Variants in SIPA1L2 observed in about 807,000 individuals in gnomAD.
SIPA1L2 encodes signal induced proliferation associated 1 like 2.
Under a neutral mutation model 163.9 loss-of-function variants are expected in SIPA1L2, and 56 were observed. The observed-to-expected ratio is 0.34, with a 90% confidence interval of 0.28 to 0.43. The LOEUF is 0.43. Among genes scored for constraint, SIPA1L2 ranks in the 20% least tolerant of loss-of-function variants. The pLI is 1.00. For synonymous variants in SIPA1L2, 877 were observed against 865.7 expected (o/e 1.01, Z -0.23); for missense variants, 1,974 against 2,193.5 (o/e 0.90, Z 2.00).
At chr1:232,531,464 G>A (rs539020699) in intron 2 of SIPA1L2, among the ~76,000 whole-genome samples, 1 of 152,118 alleles carries the variant, frequency 6.6e-6, no homozygotes, top group Admixed American at 6.5e-5. Flanking sequence ...TAAACCCTCA[G>A]AATCTGTTTC....
At chr1:232,598,422 A>G (rs1467332918) in intron 1 of SIPA1L2, among the ~76,000 whole-genome samples, 4 of 152,162 alleles carry the variant, frequency 2.6e-5, no homozygotes, top group African/African-American at 4.8e-5. Context: ...AAAGAAAACC[A>G]AAAATGACAG....
Position 232,443,612 on chromosome 1 carries a change from C to A in SIPA1L2, c.3427G>T (p.Gly1143Cys). 2 of 1,603,422 alleles carry A rather than the reference C, an allele frequency of 1.2e-6. No homozygotes were observed. Among genetic ancestry groups the A allele is most frequent in the Non-Finnish European group, 1.7e-6 (2 of 1,175,286 alleles). The change falls in exon 12 of 23, where the codon GGC becomes TGC. Residue 1143 changes from glycine (G) to cysteine (C), a missense_variant. By Grantham distance (159) the Gly-to-Cys change is radical. Coordinates refer to ENST00000674635, the MANE Select transcript of SIPA1L2 (RefSeq NM_020808.5). ...AAAAATGAACAGTACCCGTCGTAGCCCACTTGTGGTCTCCAGGGTCCGCTC... is the reference window on the plus strand; with the variant it reads ...AAAAATGAACAGTACCCGTCGTAGCACACTTGTGGTCTCCAGGGTCCGCTC... The part of the protein sequence containing the change: ...GGSGPWRPQV[G>C]YDGCQSPLLL...
At chr1:232,425,270 T>TTTA (rs35700613) in intron 18 of SIPA1L2, among the ~76,000 whole-genome samples, 1 of 151,774 alleles carries the variant, frequency 6.6e-6, no homozygotes, top group Non-Finnish European at 1.5e-5. Flanking sequence ...TTTTTTTTTT[T>TTTA]AAATCAGGCT....
intron 2 of SIPA1L2, among the ~76,000 whole-genome samples, chr1:232,519,585 C>T (rs1270116616): frequency 1.3e-5 from 2 of 152,188 alleles, no homozygotes; most frequent in Non-Finnish European, 2.9e-5. Context: ...TCACACCTGT[C>T]CTTCCCCCTC....
intron 3 of SIPA1L2, among the ~76,000 whole-genome samples, chr1:232,502,757 C>T (rs1010432831): frequency 1.3e-5 from 2 of 152,200 alleles, no homozygotes; most frequent in Non-Finnish European, 2.9e-5. Context: ...GCTCACAATG[C>T]TTTTGGTTTC....
chr1:232,448,345 G>A (rs1244804805), intron 10 of SIPA1L2, among the ~76,000 whole-genome samples: 1 of 152,142 alleles, frequency 6.6e-6, no homozygotes, highest in Non-Finnish European at 1.5e-5. Context: ...CCAAGCCAGT[G>A]CCTCTCCCTA....
chr1:232,425,910 C>A, intron 17 of SIPA1L2, 102 bp from the exon 18 acceptor site: 1 of 1,035,032 alleles, frequency 9.7e-7, no homozygotes. Context: ...ATTGTGATAG[C>A]TTCTTTGAGT....
intron 2 of SIPA1L2, among the ~76,000 whole-genome samples, chr1:232,538,871 T>TAATTTAGATGCTTG (rs1480031244): frequency 6.6e-6 from 1 of 152,250 alleles, no homozygotes; most frequent in Non-Finnish European, 1.5e-5. Flanking sequence ...AAATTTGACC[T>TAATTTAGATGCTTG]CAGCATCTAA....
intron 2 of SIPA1L2, among the ~76,000 whole-genome samples, chr1:232,533,877 C>G (rs1297881509): frequency 6.6e-6 from 1 of 152,100 alleles, no homozygotes; most frequent in East Asian, 1.9e-4. Context: ...CTCTTGCCAA[C>G]AGGGAATATA....
intron 17 of SIPA1L2, 142 bp from the exon 18 acceptor site, chr1:232,425,950 C>A (rs999762713): frequency 2.8e-6 from 2 of 722,954 alleles, no homozygotes; most frequent in Non-Finnish European, 4.5e-6. Flanking sequence ...ATGCCAAACG[C>A]AGCATGCAGG....
At chr1:232,482,855 G>C (rs1178363447) in intron 6 of SIPA1L2, among the ~76,000 whole-genome samples, 2 of 152,168 alleles carry the variant, frequency 1.3e-5, no homozygotes, top group Non-Finnish European at 2.9e-5. Context: ...CTCCCACACA[G>C]AAAACTTCCA....
At chr1:232,536,370 C>G (rs1479793125) in intron 2 of SIPA1L2, among the ~76,000 whole-genome samples, 1 of 152,196 alleles carries the variant, frequency 6.6e-6, no homozygotes. Flanking sequence ...TGGAGGGAAT[C>G]TAACTTAAGG....
chr1:232,461,160 A>G lies in SIPA1L2; in HGVS notation c.2822T>C (p.Ile941Thr). 1 of 1,613,484 alleles carries G rather than the reference A, an allele frequency of 6.2e-7. No homozygotes were observed. Among genetic ancestry groups the G allele is most frequent in the Non-Finnish European group, 8.5e-7 (1 of 1,179,608 alleles). The change falls in exon 10 of 23, where the codon ATA (isoleucine) becomes ACA (threonine). Residue 941 changes from isoleucine (I) to threonine (T), a missense_variant and splice_region_variant. Physicochemically the swap from Ile to Thr is moderately conservative, Grantham distance 89. Transcript: ENST00000674635. ...DIREIVQRLVIVTRGCETVEM... is the reference protein window; with the variant it reads ...DIREIVQRLVTVTRGCETVEM... ...CACAGTCTCGCAGCCTCTCGTCACTATCTAAGGGGGAAGGAGACTGTTAGA... is the reference window on the plus strand; with the variant it reads ...CACAGTCTCGCAGCCTCTCGTCACTGTCTAAGGGGGAAGGAGACTGTTAGA...
At chr1:232,420,108 G>C (rs1477171610) in intron 18 of SIPA1L2, among the ~76,000 whole-genome samples, 2 of 152,110 alleles carry the variant, frequency 1.3e-5, no homozygotes, top group South Asian at 2.1e-4. Context: ...GATCACCTGA[G>C]GTCAGGAGTT....
chr1:232,507,071 G>T (rs1306282274), intron 3 of SIPA1L2, among the ~76,000 whole-genome samples: 1 of 152,022 alleles, frequency 6.6e-6, no homozygotes, highest in African/African-American at 2.4e-5. Context: ...ACTTTATTCA[G>T]ATTTCCTTAG....
At chr1:232,401,953 G>A (rs1180033357) in intron 22 of SIPA1L2, among the ~76,000 whole-genome samples, 2 of 152,222 alleles carry the variant, frequency 1.3e-5, no homozygotes, top group Admixed American at 1.3e-4. Context: ...GACAGACCAT[G>A]TGCAGGTTGA....
In SIPA1L2 at chr1:232,398,629, T is replaced by C. The variant is rs1660156613; in HGVS notation, c.*498A>G. On this transcript the variant is annotated 3_prime_UTR_variant, in exon 23 of 23. Transcript: ENST00000674635. ...TATGCCTCCTTTCTTATTGCTATGG[T>C]AATGTGGCTGTGGAAATAAAACTAC... 6.5e-6 allele frequency: 1 copy of C among 152,758 alleles called. No individual in the cohort carries two copies. The highest frequency in any genetic ancestry group is 6.5e-5 in the Admixed American group (1 of 15,292). The allele number at this position is 152,758 out of a possible 1,614,324, so 9.5% of individuals were successfully genotyped here.
At chr1:232,433,953 G>A (rs975212583) in intron 15 of SIPA1L2, among the ~76,000 whole-genome samples, 1 of 152,154 alleles carries the variant, frequency 6.6e-6, no homozygotes, top group Non-Finnish European at 1.5e-5. Context: ...ATCTACCTCC[G>A]AAGGTTTCTC....
At chr1:232,599,711 A>G (rs529759322) in intron 1 of SIPA1L2, among the ~76,000 whole-genome samples, 2 of 152,320 alleles carry the variant, frequency 1.3e-5, no homozygotes, top group African/African-American at 4.8e-5. Context: ...CCCCGGGCAA[A>G]GCTGTGTAAG....
Sources: gnomAD v4.1 joint callset for allele counts (sites outside exome capture counted in the v4.1 genomes callset) on GRCh38, gnomAD v4.1.1 for gene constraint, MANE v1.5 for transcripts, NCBI Gene and HGNC (gene_info 2026-07-23, HGNC 2026-07-21) for gene names.